The following DENND1A variants were observed in gnomAD, a reference collection of about 807,000 sequenced individuals.
DENND1A encodes the protein DENN domain-containing protein 1A.
DENND1A carries 51 observed loss-of-function variants against 113.7 expected under a neutral mutation model. The ratio of observed to expected loss-of-function variants is 0.45; its 90% CI spans 0.36 to 0.57. The LOEUF is 0.57. Among genes scored for constraint, DENND1A ranks in the 20% least tolerant of loss-of-function variants. The pLI, the probability that DENND1A is intolerant of heterozygous loss-of-function variation, is 0.00. For synonymous variants in DENND1A, 565 were observed against 570.8 expected (o/e 0.99, Z 0.14); for missense variants, 1,258 against 1,395.9 (o/e 0.90, Z 1.57).
chr9:123,916,778 G>A (rs1421869725), intron 1 of DENND1A, among the ~76,000 whole-genome samples: 1 of 152,142 alleles, frequency 6.6e-6, no homozygotes, highest in African/African-American at 2.4e-5. Flanking sequence ...TTAGACTTAT[G>A]AATATGCCTG....
intron 5 of DENND1A, among the ~76,000 whole-genome samples, chr9:123,714,700 T>C (rs1158682191): frequency 6.6e-6 from 1 of 152,146 alleles, no homozygotes; most frequent in East Asian, 1.9e-4. Context: ...CAGTTTCACA[T>C]ACATTCACGT....
At chr9:123,847,595 A>T (rs575288662) in intron 2 of DENND1A, among the ~76,000 whole-genome samples, 1 of 152,236 alleles carries the variant, frequency 6.6e-6, no homozygotes, top group Non-Finnish European at 1.5e-5. Context: ...TCAAGCAAGA[A>T]GATTAGCCCA....
At chr9:123,382,966 C>T (rs368137635) in intron 23 of DENND1A, among the ~76,000 whole-genome samples, 140 of 152,356 alleles carry the variant, frequency 9.2e-4, no homozygotes, top group East Asian at 6.7e-3. Flanking sequence ...AGCCCGGGGG[C>T]GCGAGTGAGA....
At chr9:123,749,613 T>C (rs1354722830) in intron 5 of DENND1A, among the ~76,000 whole-genome samples, 1 of 152,164 alleles carries the variant, frequency 6.6e-6, no homozygotes, top group East Asian at 1.9e-4. Flanking sequence ...TGCTGATAAA[T>C]GTTAATTCCT....
chr9:123,440,464 TG>T lies in DENND1A; in HGVS notation c.1383del (p.Thr462ProfsTer85), dbSNP rs1391264820. On this transcript the variant is annotated frameshift_variant, in exon 19 of 24. Coordinates refer to ENST00000394215, the MANE Select transcript of DENND1A (RefSeq NM_001352964.2). LOFTEE classifies it high-confidence loss of function. ...GTCTTTGGCAGCTGCTCTTCTGGGGTGGGGGCGCAGCCATTCTCGGCAATGT... is the reference window on the plus strand; with the variant it reads ...GTCTTTGGCAGCTGCTCTTCTGGGGTGGGGCGCAGCCATTCTCGGCAATGT... ...QKDIAENGCA[P>X]TPEEQLPKTA... The T allele has an allele frequency of 6.4e-7, 1 of 1,571,038 alleles. No homozygotes were observed. Among genetic ancestry groups the T allele is most frequent in the East Asian group, 2.4e-5 (1 of 42,370 alleles).
chr9:123,625,009 C>A (rs1351211013), intron 10 of DENND1A, among the ~76,000 whole-genome samples: 1 of 152,130 alleles, frequency 6.6e-6, no homozygotes, highest in Non-Finnish European at 1.5e-5. Context: ...AAAAAGCATG[C>A]AGAAATCCTC....
In DENND1A at chr9:123,380,276, CAAATCAATAAGGTAAAAAGGA is replaced by C. The variant is rs1397209355; in HGVS notation, c.*1135_*1155del. The C allele has an allele frequency of 6.6e-6, 1 of 152,476 alleles. No homozygotes were observed. Among genetic ancestry groups the C allele is most frequent in the African/African-American group, 2.4e-5 (1 of 41,442 alleles). The allele number at this position is 152,476 out of a possible 1,614,324, so 9.4% of individuals were successfully genotyped here. A position where few individuals can be genotyped will look rare whatever the true frequency, so the allele number is the denominator to read the frequency against. ...GAAATGAATCCATTTCAAGATTCATCAAATCAATAAGGTAAAAAGGAAAAAGAAAGATAATAAACATTCAAT... is the reference window on the plus strand; with the variant it reads ...GAAATGAATCCATTTCAAGATTCATCAAAAGAAAGATAATAAACATTCAAT... On this transcript the variant is annotated 3_prime_UTR_variant, in exon 24 of 24. Transcript: ENST00000394215.
At chr9:123,626,056 T>C (rs1230384361) in intron 10 of DENND1A, among the ~76,000 whole-genome samples, 1 of 151,658 alleles carries the variant, frequency 6.6e-6, no homozygotes, top group East Asian at 1.9e-4. Context: ...TATGGCTGGG[T>C]TTTGTTTTTT....
chr9:123,659,308 G>T (rs764351165), intron 8 of DENND1A, among the ~76,000 whole-genome samples: 1 of 152,162 alleles, frequency 6.6e-6, no homozygotes, highest in Admixed American at 6.5e-5. Context: ...TACAGGCAGC[G>T]GAGCCCTGGG....
chr9:123,856,673 G>C (rs945394001), intron 2 of DENND1A, among the ~76,000 whole-genome samples: 3 of 152,050 alleles, frequency 2.0e-5, no homozygotes, highest in Non-Finnish European at 2.9e-5. Flanking sequence ...AAAGTGAAGA[G>C]AGCACCCACA....
At chr9:123,457,544 G>T in intron 14 of DENND1A, 109 bp from the exon 15 acceptor site, 1 of 928,034 alleles carries the variant, frequency 1.1e-6, no homozygotes. Context: ...AAAAAGTAAG[G>T]TTCAACAGGC....
At chr9:123,756,838 C>G (rs998135564) in intron 5 of DENND1A, among the ~76,000 whole-genome samples, 1 of 152,168 alleles carries the variant, frequency 6.6e-6, no homozygotes, top group African/African-American at 2.4e-5. Flanking sequence ...CATAGAGGGT[C>G]TGGCCTTTTA....
At chr9:123,661,279 A>G (rs2063221244) in intron 8 of DENND1A, among the ~76,000 whole-genome samples, 1 of 152,230 alleles carries the variant, frequency 6.6e-6, no homozygotes, top group Non-Finnish European at 1.5e-5. Flanking sequence ...CTCCAGAGGA[A>G]TATGTGTTTA....
At chr9:123,889,906 G>A (rs1262347728) in intron 1 of DENND1A, among the ~76,000 whole-genome samples, 1 of 152,062 alleles carries the variant, frequency 6.6e-6, no homozygotes, top group Non-Finnish European at 1.5e-5. Flanking sequence ...CTGGAAGGCA[G>A]AGGCTGCAGT....
intron 2 of DENND1A, among the ~76,000 whole-genome samples, chr9:123,848,116 CAGG>C (rs1250533036): frequency 1.3e-5 from 2 of 149,092 alleles, no homozygotes; most frequent in African/African-American, 5.0e-5. Context: ...TTGTATTGTC[CAGG>C]AGGAGGGTAA....
At chr9:123,525,115 G>A (rs1022341890) in intron 13 of DENND1A, among the ~76,000 whole-genome samples, 2 of 152,318 alleles carry the variant, frequency 1.3e-5, no homozygotes, top group Admixed American at 6.5e-5. Context: ...TCCGAAAAAG[G>A]AGGAGACGTG....
intron 5 of DENND1A, among the ~76,000 whole-genome samples, chr9:123,753,198 C>T (rs1301525326): frequency 6.6e-6 from 1 of 152,120 alleles, no homozygotes; most frequent in Non-Finnish European, 1.5e-5. Flanking sequence ...GAAGAGTTCC[C>T]AGACTAGCTG....
At chr9:123,427,716 A>C (rs1377102093) in intron 19 of DENND1A, among the ~76,000 whole-genome samples, 1 of 152,132 alleles carries the variant, frequency 6.6e-6, no homozygotes, top group Non-Finnish European at 1.5e-5. Flanking sequence ...TCTTTTGATA[A>C]TGGCCCCAAT....
intron 12 of DENND1A, among the ~76,000 whole-genome samples, chr9:123,558,670 A>G (rs2057564073): frequency 6.6e-6 from 1 of 152,188 alleles, no homozygotes; most frequent in Non-Finnish European, 1.5e-5. Flanking sequence ...CATAAAAAAC[A>G]ATGTAGGAAA....
Sources: allele counts gnomAD v4.1 joint callset (sites outside exome capture counted in the v4.1 genomes callset), GRCh38; gene constraint gnomAD v4.1.1; transcripts MANE v1.5; gene names NCBI Gene and HGNC (gene_info 2026-07-23, HGNC 2026-07-21).